Variants in UNC5C observed in about 807,000 individuals in gnomAD.
UNC5C encodes unc-5 netrin receptor C.
A neutral mutation model predicts 99.8 loss-of-function variants in UNC5C; 47 were observed. The ratio of observed to expected loss-of-function variants is 0.47; its 90% CI spans 0.37 to 0.60. The LOEUF is 0.60. UNC5C is among the 20% of genes least tolerant of loss of function. The pLI, the probability that UNC5C is intolerant of heterozygous loss-of-function variation, is 0.00. For synonymous variants in UNC5C, 487 were observed against 452.2 expected (o/e 1.08, Z -0.98); for missense variants, 1,062 against 1,165.9 (o/e 0.91, Z 1.30).
chr4:95,352,140 T>C (rs1056448287), intron 1 of UNC5C, among the ~76,000 whole-genome samples: 1 of 152,238 alleles, frequency 6.6e-6, no homozygotes, highest in African/African-American at 2.4e-5. Flanking sequence ...TTAAAACCCT[T>C]CAATGCCTTT....
chr4:95,451,336 A>G (rs1472263837), intron 1 of UNC5C, among the ~76,000 whole-genome samples: 1 of 152,244 alleles, frequency 6.6e-6, no homozygotes, highest in Non-Finnish European at 1.5e-5. Context: ...ATTCATTTCC[A>G]GAAAGGAAAC....
intron 1 of UNC5C, among the ~76,000 whole-genome samples, chr4:95,481,149 A>C (rs1721139537): frequency 6.6e-6 from 1 of 152,064 alleles, no homozygotes; most frequent in Non-Finnish European, 1.5e-5. Flanking sequence ...CTGATAAGAA[A>C]CTTCAGCAAA....
chr4:95,495,287 ACT>A (rs1465734687), intron 1 of UNC5C, among the ~76,000 whole-genome samples: 5 of 151,388 alleles, frequency 3.3e-5, no homozygotes, highest in Admixed American at 2.0e-4. Flanking sequence ...ATCACTTGTA[ACT>A]CTGTCAGTTT....
intron 12 of UNC5C, among the ~76,000 whole-genome samples, chr4:95,202,127 C>T (rs1239453202): frequency 1.3e-5 from 2 of 152,208 alleles, no homozygotes; most frequent in Non-Finnish European, 2.9e-5. Context: ...ATTTCTCACC[C>T]TCTGACTTAC....
At chr4:95,389,488 G>C (rs1745297344) in intron 1 of UNC5C, among the ~76,000 whole-genome samples, 1 of 152,000 alleles carries the variant, frequency 6.6e-6, no homozygotes, top group Admixed American at 6.6e-5. Context: ...AATTCTATCT[G>C]GTAGCCACTA....
At chr4:95,172,145 T>C (rs1579194996) in intron 14 of UNC5C, among the ~76,000 whole-genome samples, 1 of 149,708 alleles carries the variant, frequency 6.7e-6, no homozygotes, top group South Asian at 2.2e-4. Context: ...ATTAGCCCTT[T>C]GTCAGATGAG....
chr4:95,265,720 CTTTT>C (rs918866133), intron 4 of UNC5C, among the ~76,000 whole-genome samples: 2 of 151,882 alleles, frequency 1.3e-5, no homozygotes, highest in African/African-American at 4.8e-5. Context: ...GTCAAAAAAA[CTTTT>C]TTTTGTTATA....
chr4:95,178,948 G>A (rs527962798), intron 14 of UNC5C, among the ~76,000 whole-genome samples: 1 of 152,180 alleles, frequency 6.6e-6, no homozygotes, highest in East Asian at 1.9e-4. Flanking sequence ...AGTAAAATAC[G>A]TTTATACATT....
chr4:95,338,707 A>G (rs1039124756), intron 1 of UNC5C, among the ~76,000 whole-genome samples: 1 of 152,134 alleles, frequency 6.6e-6, no homozygotes, highest in African/African-American at 2.4e-5. Flanking sequence ...ATATGGGGTC[A>G]ATAAAAATCT....
intron 1 of UNC5C, among the ~76,000 whole-genome samples, chr4:95,520,273 A>C (rs963437088): frequency 6.6e-6 from 1 of 152,222 alleles, no homozygotes; most frequent in African/African-American, 2.4e-5. Context: ...AATACAATTA[A>C]TTTTAAAAGA....
chr4:95,423,308 A>G (rs768343479), intron 1 of UNC5C, among the ~76,000 whole-genome samples: 2 of 152,228 alleles, frequency 1.3e-5, no homozygotes, highest in African/African-American at 2.4e-5. Flanking sequence ...CAGAAAGCAC[A>G]GGGATTATCC....
At chr4:95,453,831 C>T (rs556196784) in intron 1 of UNC5C, among the ~76,000 whole-genome samples, 7 of 152,066 alleles carry the variant, frequency 4.6e-5, no homozygotes, top group African/African-American at 1.4e-4. Flanking sequence ...GGAATTATTA[C>T]TAGGATTTCA....
chr4:95,302,598 A>C (rs981016751), intron 2 of UNC5C, among the ~76,000 whole-genome samples: 8 of 152,220 alleles, frequency 5.3e-5, no homozygotes, highest in Non-Finnish European at 1.2e-4. Context: ...GTTCTCCCAG[A>C]GCTTGAACTC....
rs146924678 is a variant in UNC5C, at chr4:95,304,435, C to T, written c.347-2686G>A. ...GCCATTAACAAATAACACCACTTTG[C>T]CTCCTCTTTCCTGGTCCCTACTCAG... is the stretch of plus-strand genomic sequence containing the variant. On this transcript the variant is annotated intron_variant, in intron 2 of 15. Coordinates refer to ENST00000453304, the MANE Select transcript of UNC5C (RefSeq NM_003728.4). Among the ~76,000 whole-genome samples, 818 of 152,126 alleles carry T rather than the reference C, an allele frequency of 5.4e-3. 8 individuals are homozygous for T. Among genetic ancestry groups the T allele is most frequent in the African/African-American group, 0.019 (780 of 41,530 alleles).
rs147042864 is a variant in UNC5C at position 95,467,512 on chromosome 4, T to C, written c.124+81222A>G. The stretch of plus-strand genomic sequence containing the variant: ...ACTGGAAGTTACAATCATCATTATG[T>C]GGCAACATTTTCTGTAGTTAATGAA... On this transcript the variant is annotated intron_variant, in intron 1 of 15. Transcript: ENST00000453304. Among the ~76,000 whole-genome samples the C allele has an allele frequency of 7.0e-4, 107 of 152,322 alleles. 1 individual carries two copies. In the East Asian group the frequency reaches 0.013, roughly 19 times the overall value.
At chr4:95,385,703 C>T (rs1745193145) in intron 1 of UNC5C, among the ~76,000 whole-genome samples, 1 of 152,150 alleles carries the variant, frequency 6.6e-6, no homozygotes, top group African/African-American at 2.4e-5. Flanking sequence ...GGTCCAGTCC[C>T]ATCATGATTC....
intron 1 of UNC5C, among the ~76,000 whole-genome samples, chr4:95,450,950 T>C (rs372207651): frequency 7.2e-5 from 11 of 152,180 alleles, no homozygotes; most frequent in Non-Finnish European, 1.0e-4. Context: ...AAAGAACATA[T>C]GTAAAAGTGC....
At chr4:95,470,863 A>G (rs1747945861) in intron 1 of UNC5C, among the ~76,000 whole-genome samples, 1 of 152,138 alleles carries the variant, frequency 6.6e-6, no homozygotes, top group South Asian at 2.1e-4. Flanking sequence ...TTTAATTTGT[A>G]AGGGTTTCCT....
At position 95,510,426 on chromosome 4, in the gene UNC5C, CT is replaced by C. The variant is rs202238467; in HGVS notation, c.124+38307del. ...ACACTAGCTATAGCTAATAATCATTCTTTTTTTCCTTAATTTTTTATTCAAA... is the reference window on the plus strand; with the variant it reads ...ACACTAGCTATAGCTAATAATCATTCTTTTTTCCTTAATTTTTTATTCAAA... On this transcript the variant is annotated intron_variant, in intron 1 of 15. Transcript: ENST00000453304. 6.9e-4 allele frequency among the ~76,000 whole-genome samples: 102 copies of C among 148,172 alleles called. No individual in the cohort carries two copies. The East Asian group carries it at 0.011, about 16-fold the overall frequency.
Sources: gnomAD v4.1 joint callset for allele counts (sites outside exome capture counted in the v4.1 genomes callset) on GRCh38, gnomAD v4.1.1 for gene constraint, MANE v1.5 for transcripts, NCBI Gene and HGNC (gene_info 2026-07-23, HGNC 2026-07-21) for gene names.